Variants in CSMD1 observed in about 807,000 individuals in gnomAD.
CSMD1 encodes the protein CUB and Sushi multiple domains 1, also known as CUB and sushi domain-containing protein 1.
In CSMD1, 213 loss-of-function variants were observed where a neutral mutation model predicts 417.5. The observed-to-expected ratio is 0.51, with a 90% CI of 0.46 to 0.57. The LOEUF (loss-of-function observed/expected upper bound fraction) is 0.57. CSMD1 is among the 20% of genes least tolerant of loss of function. The pLI is 0.00. For missense variants in CSMD1, 6,923 were observed against 4,529.7 expected (o/e 1.53, Z -15.17); for synonymous variants, 2,862 against 1,736.8 (o/e 1.65, Z -16.11).
chr8:3,812,652 A>T (rs2129078009), intron 5 of CSMD1, among the ~76,000 whole-genome samples: 1 of 152,322 alleles, frequency 6.6e-6, no homozygotes, highest in Non-Finnish European at 1.5e-5. Flanking sequence ...TAGCCACAGT[A>T]AAGAGGAATT....
intron 3 of CSMD1, among the ~76,000 whole-genome samples, chr8:4,090,326 T>G (rs1382914428): frequency 6.6e-6 from 1 of 152,222 alleles, no homozygotes; most frequent in South Asian, 2.1e-4. Context: ...TAAAGAAACA[T>G]TAAACATGAG....
chr8:4,081,881 T>G (rs547244224), intron 3 of CSMD1, among the ~76,000 whole-genome samples: 2 of 152,304 alleles, frequency 1.3e-5, no homozygotes, highest in South Asian at 4.1e-4. Flanking sequence ...TCAAAATGTG[T>G]TGGATTTAGT....
At chr8:3,352,716 G>T (rs369607159) in intron 21 of CSMD1, among the ~76,000 whole-genome samples, 1 of 152,134 alleles carries the variant, frequency 6.6e-6, no homozygotes, top group Non-Finnish European at 1.5e-5. Context: ...GGTGCATGCC[G>T]GTTGTCCCAC....
chr8:4,807,232 G>A (rs907419069), intron 1 of CSMD1, among the ~76,000 whole-genome samples: 1 of 152,050 alleles, frequency 6.6e-6, no homozygotes, highest in Admixed American at 6.6e-5. Flanking sequence ...CCGGGGGTTC[G>A]GCAGCTTCTC....
chr8:3,578,967 C>A (rs564049318), intron 9 of CSMD1, among the ~76,000 whole-genome samples: 2 of 152,178 alleles, frequency 1.3e-5, no homozygotes, highest in African/African-American at 4.8e-5. Context: ...TAGTAGAATG[C>A]CTCTTTCTAC....
rs189208505 is a variant in CSMD1 at position 3,245,576 on chromosome 8, G to A, written c.4154-15345C>T. On this transcript the variant is annotated intron_variant, in intron 26 of 69. Coordinates refer to ENST00000635120, the MANE Select transcript of CSMD1 (RefSeq NM_033225.6). ...CCATCTCTTTGAAATGCATCATCAA[G>A]GAAGGTAGCGCCCATGCCTACCCCT... is the stretch of plus-strand genomic sequence containing the variant. Among the ~76,000 whole-genome samples, 58 of 152,290 alleles carry A rather than the reference G, an allele frequency of 3.8e-4. No homozygotes were observed. The South Asian group carries it at 6.6e-3, about 17-fold the overall frequency.
intron 4 of CSMD1, among the ~76,000 whole-genome samples, chr8:4,028,228 A>C (rs932936403): frequency 2.6e-5 from 4 of 152,226 alleles, no homozygotes; most frequent in Non-Finnish European, 4.4e-5. Flanking sequence ...TAATTCAAAT[A>C]CGATTAATCC....
intron 2 of CSMD1, among the ~76,000 whole-genome samples, chr8:4,549,562 CG>C (rs1208422738): frequency 1.3e-5 from 2 of 152,004 alleles, no homozygotes; most frequent in Non-Finnish European, 2.9e-5. Flanking sequence ...CACAGCCTCC[CG>C]CATTACGTGA....
At chr8:3,295,959 C>T (rs560502108) in intron 25 of CSMD1, among the ~76,000 whole-genome samples, 1 of 152,016 alleles carries the variant, frequency 6.6e-6, no homozygotes, top group Non-Finnish European at 1.5e-5. Flanking sequence ...TTGAGTCCTG[C>T]CTTCGTGGAG....
chr8:4,948,218 G>C (rs1245366165), intron 1 of CSMD1, among the ~76,000 whole-genome samples: 1 of 151,978 alleles, frequency 6.6e-6, no homozygotes, highest in Non-Finnish European at 1.5e-5. Context: ...TACGAGTTTA[G>C]TAGGTATCAA....
At chr8:3,407,768 G>C (rs547041401) in intron 14 of CSMD1, 131 bp downstream of exon 14, 1 of 810,220 alleles carries the variant, frequency 1.2e-6, no homozygotes, top group African/African-American at 1.7e-5. Context: ...TTTTACTACT[G>C]TCATTTTCAT....
At chr8:4,157,081 G>T (rs1233922831) in intron 3 of CSMD1, among the ~76,000 whole-genome samples, 4 of 152,150 alleles carry the variant, frequency 2.6e-5, no homozygotes, top group Admixed American at 2.6e-4. Flanking sequence ...GACCCGCCAT[G>T]GCCAGGGTGA....
chr8:4,983,959 T>C (rs1811038241), intron 1 of CSMD1, among the ~76,000 whole-genome samples: 1 of 152,074 alleles, frequency 6.6e-6, no homozygotes, highest in Non-Finnish European at 1.5e-5. Flanking sequence ...ACTGAAGGTA[T>C]AGTTAGGGTG....
At chr8:4,778,574 C>T (rs897380593) in intron 1 of CSMD1, among the ~76,000 whole-genome samples, 8 of 152,188 alleles carry the variant, frequency 5.3e-5, no homozygotes, top group African/African-American at 1.4e-4. Context: ...GAAGATCAAC[C>T]TGGAAATTCC....
At chr8:3,636,686 G>A (rs778709154) in intron 7 of CSMD1, among the ~76,000 whole-genome samples, 1 of 152,226 alleles carries the variant, frequency 6.6e-6, no homozygotes, top group African/African-American at 2.4e-5. Flanking sequence ...CCTGTGGAGA[G>A]GTGAAGCCTG....
At chr8:3,961,206 CA>C (rs1459192432) in intron 5 of CSMD1, among the ~76,000 whole-genome samples, 1 of 152,008 alleles carries the variant, frequency 6.6e-6, no homozygotes, top group Non-Finnish European at 1.5e-5. Context: ...GTCATTGTCT[CA>C]ATTAAGGAGA....
chr8:4,562,245 G>A (rs1175242999), intron 2 of CSMD1, among the ~76,000 whole-genome samples: 2 of 152,106 alleles, frequency 1.3e-5, no homozygotes, highest in African/African-American at 4.8e-5. Context: ...TGTTCCACAC[G>A]GGAAATACAC....
chr8:3,133,343 C>T (rs530838801), intron 41 of CSMD1, among the ~76,000 whole-genome samples: 72 of 152,340 alleles, frequency 4.7e-4, no homozygotes, highest in African/African-American at 1.7e-3. Context: ...GGGATGCCGG[C>T]TGACCTGAGG....
chr8:4,446,735 GTGTGTGTGTGTGTGTGTGTC>G lies in CSMD1; in HGVS notation c.303-26690_303-26671del, dbSNP rs1188509883. On this transcript the variant is annotated intron_variant, in intron 2 of 69. Coordinates refer to ENST00000635120, the MANE Select transcript of CSMD1 (RefSeq NM_033225.6). ...GCCTGAGTTGTGTGTGTGTGTGTCT[GTGTGTGTGTGTGTGTGTGTC>G]TGTGTGTGTGTGTGTGTGTGTGTGT... Among the ~76,000 whole-genome samples, 740 of 113,634 alleles carry G rather than the reference GTGTGTGTGTGTGTGTGTGTC, an allele frequency of 6.5e-3. 4 individuals carry two copies. The highest frequency in any genetic ancestry group is 0.013 in the Middle Eastern group (3 of 236). 74.5% of individuals were successfully genotyped at this position (113,634 alleles called of 152,430 possible).
Sources: gnomAD v4.1 joint callset for allele counts (sites outside exome capture counted in the v4.1 genomes callset) on GRCh38, gnomAD v4.1.1 for gene constraint, MANE v1.5 for transcripts, NCBI Gene and HGNC (gene_info 2026-07-23, HGNC 2026-07-21) for gene names.